The following RHNO1 variants were observed in gnomAD, a reference collection of about 807,000 sequenced individuals.
RHNO1 encodes the protein RAD9-HUS1-RAD1 interacting nuclear orphan 1, also known as RAD9, HUS1, RAD1-interacting nuclear orphan protein 1.
RHNO1 carries 9 observed loss-of-function variants against 7.2 expected under a neutral mutation model. The observed-to-expected ratio is 1.25, with a 90% CI of 0.75 to 2.18. The LOEUF (loss-of-function observed/expected upper bound fraction) is 2.18, where lower values mean the gene tolerates loss of function less well. RHNO1 is among the 30% of genes most tolerant of loss of function. RHNO1 has a pLI of 0.00. For missense variants in RHNO1, 292 were observed against 284.5 expected (o/e 1.03, Z -0.19); for synonymous variants, 95 against 107.5 (o/e 0.88, Z 0.72).
intron 2 of RHNO1, among the ~76,000 whole-genome samples, chr12:2,887,579 CAG>C (rs1324589699): frequency 2.0e-5 from 3 of 151,714 alleles, no homozygotes; most frequent in African/African-American, 4.8e-5. Context: ...AACTGGGAGA[CAG>C]AGGTTGCAAT....
chr12:2,880,637 CTTTA>C (rs200261935), intron 1 of RHNO1, among the ~76,000 whole-genome samples: 1 of 151,914 alleles, frequency 6.6e-6, no homozygotes, highest in Non-Finnish European at 1.5e-5. Context: ...AAAATTTCCA[CTTTA>C]TTTATTTATT....
intron 2 of RHNO1, 132 bp from the exon 3 acceptor site, chr12:2,887,779 A>G (rs188913717): frequency 1.4e-6 from 1 of 690,770 alleles, no homozygotes; most frequent in East Asian, 2.8e-5. Context: ...TTATTATGCC[A>G]TTAGACAGTT....
chr12:2,879,384 G>A (rs545575288), intron 1 of RHNO1, among the ~76,000 whole-genome samples: 1 of 151,836 alleles, frequency 6.6e-6, no homozygotes, highest in African/African-American at 2.4e-5. Context: ...TCAGGCTGGA[G>A]TTCAGTGGCA....
intron 1 of RHNO1, among the ~76,000 whole-genome samples, chr12:2,877,546 A>C (rs1235715800): frequency 1.3e-5 from 2 of 151,916 alleles, no homozygotes; most frequent in African/African-American, 4.8e-5. Flanking sequence ...GGGAAATCGT[A>C]CCCCATTTTC....
rs575732965 is a variant in RHNO1, at chr12:2,883,476, AATATATATATATAT to A, written c.-84-1784_-84-1771del. Among the ~76,000 whole-genome samples the A allele has an allele frequency of 2.5e-3, 100 of 39,804 alleles. 1 individual carries two copies. Among genetic ancestry groups the A allele is most frequent in the East Asian group, 8.1e-3 (12 of 1,486 alleles). 26.1% of individuals were successfully genotyped at this position (39,804 alleles called of 152,430 possible). A position where few individuals can be genotyped will look rare whatever the true frequency, so the allele number is the denominator to read the frequency against. ...TTAGTCATATTAATGGGAAGGATAG[AATATATATATATAT>A]ATATATATATATATATATATATTTT... On this transcript the variant is annotated intron_variant, in intron 1 of 2. Transcript: ENST00000489288.
intron 1 of RHNO1, among the ~76,000 whole-genome samples, chr12:2,880,343 G>GTGGTGGCT (rs1226978372): frequency 2.0e-5 from 3 of 151,736 alleles, no homozygotes; most frequent in Non-Finnish European, 4.4e-5. Context: ...CAGGCTGGGC[G>GTGGTGGCT]TGGTGGCTCA....
upstream of RHNO1, chr12:2,876,968 G>C (rs1235561502): frequency 6.6e-6 from 1 of 152,176 alleles, no homozygotes; most frequent in Non-Finnish European, 1.5e-5. Flanking sequence ...CCGAAGGCGG[G>C]CTCCGGGCTC....
chr12:2,876,383 C>T (rs900925351), upstream of RHNO1: 1 of 152,306 alleles, frequency 6.6e-6, no homozygotes, highest in Admixed American at 6.5e-5. Flanking sequence ...TACTTCCTGA[C>T]CAGCCCGTTA....
At chr12:2,883,486 TA>T (rs2098160952) in intron 1 of RHNO1, among the ~76,000 whole-genome samples, 2 of 28,978 alleles carry the variant, frequency 6.9e-5, no homozygotes, top group African/African-American at 1.7e-4. Context: ...AATATATATA[TA>T]TATATATATA....
intron 1 of RHNO1, among the ~76,000 whole-genome samples, chr12:2,882,649 G>GC (rs2098159401): frequency 6.6e-6 from 1 of 150,766 alleles, no homozygotes; most frequent in African/African-American, 2.5e-5. Context: ...GTTGCAGTGA[G>GC]CCAAGATCAA....
chr12:2,887,310 T>C (rs961179748), intron 2 of RHNO1, among the ~76,000 whole-genome samples: 1 of 152,010 alleles, frequency 6.6e-6, no homozygotes, highest in African/African-American at 2.4e-5. Flanking sequence ...AAATCCTGTC[T>C]CTACTAAAAA....
At chr12:2,877,498 C>G (rs1051533106) in intron 1 of RHNO1, among the ~76,000 whole-genome samples, 12 of 152,246 alleles carry the variant, frequency 7.9e-5, no homozygotes, top group African/African-American at 2.9e-4. Flanking sequence ...CCTCTGCTCC[C>G]CTTTTCAAAG....
intron 1 of RHNO1, among the ~76,000 whole-genome samples, chr12:2,883,507 ATATATTTTTTTTTT>A (rs1277056080): frequency 7.6e-3 from 199 of 26,192 alleles, no homozygotes; most frequent in Admixed American, 0.013. Flanking sequence ...ATATATATAT[ATATATTTTTTTTTT>A]TTTTTTTTTT....
intron 2 of RHNO1, 88 bp from the exon 3 acceptor site, chr12:2,887,823 C>T: frequency 9.1e-7 from 1 of 1,100,058 alleles, no homozygotes; most frequent in East Asian, 2.5e-5. Context: ...ACAGTAGACC[C>T]CGATTTAAGA....
At chr12:2,883,334 C>CTACT (rs752805259) in intron 1 of RHNO1, among the ~76,000 whole-genome samples, 1 of 150,292 alleles carries the variant, frequency 6.7e-6, no homozygotes, top group Non-Finnish European at 1.5e-5. Context: ...CATGATCATG[C>CTACT]TACTGTACTC....
At chr12:2,877,904 G>A (rs1252321536) in intron 1 of RHNO1, 1 of 152,308 alleles carries the variant, frequency 6.6e-6, no homozygotes, top group African/African-American at 2.4e-5. Context: ...ATGTGGGCTG[G>A]GCATAGTGGC....
At chr12:2,878,565 G>A (rs2098152378) in intron 1 of RHNO1, among the ~76,000 whole-genome samples, 1 of 151,964 alleles carries the variant, frequency 6.6e-6, no homozygotes, top group African/African-American at 2.4e-5. Flanking sequence ...AGTGAATCCA[G>A]GTCAGATTTG....
At chr12:2,883,807 C>T (rs1466955510) in intron 1 of RHNO1, among the ~76,000 whole-genome samples, 5 of 151,800 alleles carry the variant, frequency 3.3e-5, no homozygotes, top group East Asian at 3.9e-4. Context: ...TGAGCCACCG[C>T]GCCCGGCCAA....
chr12:2,881,118 TTCTAGACTGAA>T (rs2098156991), intron 1 of RHNO1, among the ~76,000 whole-genome samples: 1 of 151,786 alleles, frequency 6.6e-6, no homozygotes, highest in African/African-American at 2.4e-5. Flanking sequence ...TTTGTTTGTT[TTCTAGACTGAA>T]TCTCGCTCTG....
Sources: allele counts gnomAD v4.1 joint callset (sites outside exome capture counted in the v4.1 genomes callset), GRCh38; gene constraint gnomAD v4.1.1; transcripts MANE v1.5; gene names NCBI Gene and HGNC (gene_info 2026-07-23, HGNC 2026-07-21).